Variants in PCDHA1 observed in about 807,000 individuals in gnomAD.
The protein encoded by PCDHA1 is protocadherin alpha 1.
Under a neutral mutation model 61.3 loss-of-function variants are expected in PCDHA1, and 42 were observed. That is an observed-to-expected ratio of 0.69 (90% CI 0.54 to 0.89). The LOEUF is 0.89. Ranked by LOEUF, PCDHA1 falls within the 40% of genes least tolerant of loss-of-function variation. The pLI, the probability that PCDHA1 is intolerant of heterozygous loss-of-function variation, is 0.00. For missense variants in PCDHA1, 1,256 were observed against 1,235.3 expected (o/e 1.02, Z -0.25); for synonymous variants, 610 against 553.8 (o/e 1.10, Z -1.43).
chr5:140,878,342 CAAT>C (rs1416409658), intron 1 of PCDHA1, among the ~76,000 whole-genome samples: 2 of 152,076 alleles, frequency 1.3e-5, no homozygotes, highest in Non-Finnish European at 2.9e-5. Flanking sequence ...GGTATTATCA[CAAT>C]AATATAAATG....
At position 140,809,611 on chromosome 5, in the gene PCDHA1, T is replaced by A. The variant is rs782280245; in HGVS notation, c.2394+20927T>A. 12 of 1,519,438 alleles carry A rather than the reference T, an allele frequency of 7.9e-6. No individual in the cohort carries two copies. The African/African-American group carries it at 8.4e-5, about 11-fold the overall frequency. The allele number at this position is 1,519,438 out of a possible 1,614,324, so 94.1% of individuals were successfully genotyped here. A position where few individuals can be genotyped will look rare whatever the true frequency, so the allele number is the denominator to read the frequency against. ...ATCCTTTTGTTTAATTTTCGTATTG[T>A]TTTTCTCTATCAACTTCTTCGTAAA... On this transcript the variant is annotated intron_variant, in intron 1 of 3. Transcript: ENST00000504120.
chr5:140,901,917 T>C (rs776284320), intron 1 of PCDHA1, among the ~76,000 whole-genome samples: 15 of 152,090 alleles, frequency 9.9e-5, no homozygotes, highest in Admixed American at 4.6e-4. Context: ...ATCTTTCACT[T>C]CTTTGGTTAA....
intron 1 of PCDHA1, chr5:140,967,197 AC>A: frequency 6.2e-7 from 1 of 1,613,542 alleles, no homozygotes; most frequent in Non-Finnish European, 8.5e-7. Context: ...ATCAACGACA[AC>A]TCACCGCGTT....
intron 1 of PCDHA1, chr5:140,804,773 A>G (rs1562198444): frequency 3.9e-6 from 1 of 254,778 alleles, no homozygotes; most frequent in Non-Finnish European, 7.4e-6. Flanking sequence ...TTGGACTCCC[A>G]TTTAAGTTTC....
At position 140,941,204 on chromosome 5, in the gene PCDHA1, TTTCTTTCTTC is replaced by T. The variant is rs1554213952; in HGVS notation, c.2395-37744_2395-37735del. Among the ~76,000 whole-genome samples, 512 of 88,682 alleles carry T rather than the reference TTTCTTTCTTC, an allele frequency of 5.8e-3. 4 individuals are homozygous for T. Among genetic ancestry groups the T allele is most frequent in the African/African-American group, 0.011 (178 of 16,048 alleles). The allele number at this position is 88,682 out of a possible 152,430, so 58.2% of individuals were successfully genotyped here. ...CTGCTTCTTTTTTTTTCTTTCTTCC[TTTCTTTCTTC>T]CTTTCTTTCTTTCTTTCTTTCTTTC... On this transcript the variant is annotated intron_variant, in intron 1 of 3. Coordinates refer to ENST00000504120, the MANE Select transcript of PCDHA1 (RefSeq NM_018900.4).
chr5:140,917,741 C>G (rs2078335946), intron 1 of PCDHA1, among the ~76,000 whole-genome samples: 1 of 152,048 alleles, frequency 6.6e-6, no homozygotes, highest in Non-Finnish European at 1.5e-5. Flanking sequence ...CTAACCTGTC[C>G]CATTGGTCTA....
At chr5:140,842,966 G>A (rs1481565497) in intron 1 of PCDHA1, 7 of 1,595,016 alleles carry the variant, frequency 4.4e-6, no homozygotes, top group East Asian at 2.2e-5. Context: ...GGGCAGCAAC[G>A]TGACGCTGCA....
rs2150134243 is a variant in PCDHA1, at chr5:140,824,366, T to G, written c.2394+35682T>G. On this transcript the variant is annotated intron_variant, in intron 1 of 3. Transcript: ENST00000504120. ...TAAAATAATATTTTATATTAGCATT[T>G]GAATTTTGCATCTCTAAAAATGTAG... 3.7e-5 allele frequency: 21 copies of G among 572,978 alleles called. 1 individual carries two copies. The highest frequency in any genetic ancestry group is 2.8e-4 in the Admixed American group (8 of 28,562). 35.5% of individuals were successfully genotyped at this position (572,978 alleles called of 1,614,324 possible).
chr5:140,851,949 A>T, intron 1 of PCDHA1: 1 of 974,358 alleles, frequency 1.0e-6, no homozygotes, highest in Non-Finnish European at 1.2e-6. Context: ...TGTGACTTTC[A>T]AAATGGTGGT....
chr5:140,828,250 G>T, intron 1 of PCDHA1: 5 of 1,613,982 alleles, frequency 3.1e-6, no homozygotes, highest in Non-Finnish European at 4.2e-6. Flanking sequence ...AGGACCTGGG[G>T]CTGGAGCTGG....
intron 1 of PCDHA1, among the ~76,000 whole-genome samples, chr5:140,844,423 T>C (rs1779370902): frequency 6.7e-6 from 1 of 149,538 alleles, no homozygotes; most frequent in South Asian, 2.1e-4. Flanking sequence ...ATGTTTTTTA[T>C]TCTACATGAT....
intron 1 of PCDHA1, chr5:140,814,842 T>C (rs148229607): frequency 9.2e-5 from 14 of 152,232 alleles, no homozygotes; most frequent in Admixed American, 3.9e-4. Flanking sequence ...TTTCTGTGAA[T>C]GTTTGCCTCA....
rs2150529227 is a variant in PCDHA1 at position 140,853,161 on chromosome 5, G to A, written c.2394+64477G>A. 6.4e-6 allele frequency: 6 copies of A among 935,678 alleles called. 1 individual carries two copies. Among genetic ancestry groups the A allele is most frequent in the Non-Finnish European group, 6.5e-6 (5 of 772,756 alleles). 58.0% of individuals were successfully genotyped at this position (935,678 alleles called of 1,614,324 possible). ...CCCAAAATGCTGGGATTACAGGCGT[G>A]AGCCACCGCGCCTGGCCTAAAATGT... is the stretch of plus-strand genomic sequence containing the variant. On this transcript the variant is annotated intron_variant, in intron 1 of 3. Coordinates refer to ENST00000504120, the MANE Select transcript of PCDHA1 (RefSeq NM_018900.4).
At chr5:140,799,973 T>C (rs1234514160) in intron 1 of PCDHA1, among the ~76,000 whole-genome samples, 3 of 152,150 alleles carry the variant, frequency 2.0e-5, no homozygotes, top group African/African-American at 7.2e-5. Context: ...TAGTGTTAAA[T>C]ATGTTGAGTA....
chr5:140,877,914 A>AT (rs2057394520), intron 1 of PCDHA1: 3 of 1,426,804 alleles, frequency 2.1e-6, no homozygotes, highest in Non-Finnish European at 2.8e-6. Flanking sequence ...ACATTCTCTC[A>AT]TTTTTCTTTA....
chr5:140,871,692 C>T, intron 1 of PCDHA1: 1 of 997,192 alleles, frequency 1.0e-6, no homozygotes, highest in Non-Finnish European at 1.4e-6. Flanking sequence ...AATCTGGCTT[C>T]TTTAACCAAT....
At chr5:140,971,807 T>C in intron 1 of PCDHA1, among the ~76,000 whole-genome samples, 1 of 152,270 alleles carries the variant, frequency 6.6e-6, no homozygotes, top group Middle Eastern at 3.4e-3. Context: ...TATTATAATA[T>C]TGAATACATA....
chr5:140,994,658 T>C (rs2097643677), intron 3 of PCDHA1, among the ~76,000 whole-genome samples: 1 of 152,024 alleles, frequency 6.6e-6, no homozygotes, highest in African/African-American at 2.4e-5. Flanking sequence ...TGAGCTGAGA[T>C]CACACTACTG....
At chr5:140,967,086 G>C in intron 1 of PCDHA1, 3 of 1,613,210 alleles carry the variant, frequency 1.9e-6, no homozygotes, top group Non-Finnish European at 2.5e-6. Context: ...CGCATTGATC[G>C]GGAGGCGCTG....
Sources: gnomAD v4.1 joint callset for allele counts (sites outside exome capture counted in the v4.1 genomes callset) on GRCh38, gnomAD v4.1.1 for gene constraint, MANE v1.5 for transcripts, NCBI Gene and HGNC (gene_info 2026-07-23, HGNC 2026-07-21) for gene names.